NFIB: variants seen among roughly 807,000 people sequenced by gnomAD.
NFIB encodes nuclear factor 1 B-type.
In NFIB, 11 loss-of-function variants were observed where a neutral mutation model predicts 61.5. That is an observed-to-expected ratio of 0.18 (90% CI 0.11 to 0.30). The LOEUF (loss-of-function observed/expected upper bound fraction) is 0.30. Among genes scored for constraint, NFIB ranks in the 10% least tolerant of loss-of-function variants. The pLI is 1.00. For missense variants in NFIB, 471 were observed against 608.9 expected (o/e 0.77, Z 2.38); for synonymous variants, 260 against 216.5 (o/e 1.20, Z -1.76).
intron 2 of NFIB, among the ~76,000 whole-genome samples, chr9:14,207,666 C>G (rs1463300281): frequency 6.6e-6 from 1 of 151,706 alleles, no homozygotes; most frequent in African/African-American, 2.4e-5. Context: ...CCTGAAGCTT[C>G]ACCACAGGAT....
At chr9:14,374,015 T>C (rs1172388645) in intron 1 of NFIB, among the ~76,000 whole-genome samples, 2 of 152,216 alleles carry the variant, frequency 1.3e-5, no homozygotes, top group African/African-American at 4.8e-5. Flanking sequence ...TGGAATACTG[T>C]TCTTTTTATT....
In NFIB at chr9:14,375,819, A is replaced by G. The variant is rs141426524; in HGVS notation, c.108+22705T>C. 1.5e-3 allele frequency among the ~76,000 whole-genome samples: 221 copies of G among 152,304 alleles called. 3 individuals carry two copies. Among genetic ancestry groups the G allele is most frequent in the Non-Finnish European group, 2.3e-3 (154 of 68,012 alleles). ...AAGTCAGAGTTCTGTTACTAGTAAT[A>G]ACAGAAGAGCAAGTATGGGATGGGA... On this transcript the variant is annotated intron_variant, in intron 1 of 8. Coordinates refer to the NFIB transcript ENST00000380934.
At chr9:14,100,010 T>C (rs2035485735) in intron 10 of NFIB, among the ~76,000 whole-genome samples, 1 of 151,940 alleles carries the variant, frequency 6.6e-6, no homozygotes, top group East Asian at 1.9e-4. Context: ...GAAGCGGAGG[T>C]TGCAGTGAGA....
rs138623129 is a variant in NFIB, at chr9:14,220,842, TAC to T, written c.563-41064_563-41063del. Among the ~76,000 whole-genome samples, 619 of 123,048 alleles carry T rather than the reference TAC, an allele frequency of 5.0e-3. 5 individuals carry two copies. The highest frequency in any genetic ancestry group is 0.018 in the South Asian group (64 of 3,512). 80.7% of individuals were successfully genotyped at this position (123,048 alleles called of 152,430 possible). A position where few individuals can be genotyped will look rare whatever the true frequency, so the allele number is the denominator to read the frequency against. Reference sequence around the variant, plus strand: ...CTATATCCAGTGAAATCAATCTCCCTACACACACACACACACACACACACACA... The same window carrying T: ...CTATATCCAGTGAAATCAATCTCCCTACACACACACACACACACACACACA... On this transcript the variant is annotated intron_variant, in intron 2 of 10. Coordinates refer to ENST00000380953, the MANE Select transcript of NFIB (RefSeq NM_001190737.2).
the NFIB span, among the ~76,000 whole-genome samples, chr9:14,410,733 G>A: frequency 6.6e-6 from 1 of 152,098 alleles, no homozygotes; most frequent in South Asian, 2.1e-4. Context: ...GTTTTGACAC[G>A]AAACAACTCC....
At chr9:14,185,979 T>C (rs945311651) in intron 2 of NFIB, among the ~76,000 whole-genome samples, 3 of 152,196 alleles carry the variant, frequency 2.0e-5, no homozygotes, top group African/African-American at 7.2e-5. Context: ...GGCAAGAAAG[T>C]TTTAATGACC....
the NFIB span, among the ~76,000 whole-genome samples, chr9:14,424,718 G>A: frequency 6.6e-6 from 1 of 152,310 alleles, no homozygotes. Context: ...CCGAGGGCGG[G>A]TTCTTGACAT....
chr9:14,205,298 AGGGGAATGAAAACGTG>A (rs2131669286), intron 2 of NFIB, among the ~76,000 whole-genome samples: 1 of 128,194 alleles, frequency 7.8e-6, no homozygotes, highest in Non-Finnish European at 1.7e-5. Context: ...GAAGAAAGGA[AGGGGAATGAAAACGTG>A]GGAGGGAGGA....
the NFIB span, among the ~76,000 whole-genome samples, chr9:14,503,168 C>A: frequency 6.7e-6 from 1 of 148,986 alleles, no homozygotes; most frequent in African/African-American, 2.5e-5. Flanking sequence ...ATATATATAT[C>A]ATTTTCTTTA....
chr9:14,142,646 G>A (rs72698752), intron 6 of NFIB, among the ~76,000 whole-genome samples: 8,417 of 150,370 alleles, frequency 0.056, 332 homozygotes, highest in Non-Finnish European at 0.085. Context: ...GACTCAGATG[G>A]AAAAAAAAAT....
the NFIB span, among the ~76,000 whole-genome samples, chr9:14,482,719 A>G: frequency 6.6e-6 from 1 of 152,210 alleles, no homozygotes; most frequent in Non-Finnish European, 1.5e-5. Context: ...CAACAGCCTC[A>G]TTTAATGTTA....
intron 2 of NFIB, among the ~76,000 whole-genome samples, chr9:14,212,672 C>T (rs1016091247): frequency 1.3e-5 from 2 of 150,066 alleles, no homozygotes; most frequent in East Asian, 1.9e-4. Context: ...TCTACACTTA[C>T]AATATTTCAC....
chr9:14,485,439 T>C, the NFIB span, among the ~76,000 whole-genome samples: 9 of 152,354 alleles, frequency 5.9e-5, no homozygotes, highest in South Asian at 2.1e-4. Context: ...AGAAGGTGTA[T>C]CAGTCTTCAC....
At chr9:14,275,360 T>C (rs972737790) in intron 2 of NFIB, among the ~76,000 whole-genome samples, 4 of 152,318 alleles carry the variant, frequency 2.6e-5, no homozygotes, top group African/African-American at 7.2e-5. Flanking sequence ...CACACTTGAA[T>C]TCATATCAGT....
chr9:14,248,557 C>T (rs1489853795), intron 2 of NFIB, among the ~76,000 whole-genome samples: 1 of 152,162 alleles, frequency 6.6e-6, no homozygotes, highest in African/African-American at 2.4e-5. Context: ...AGGCATGAGC[C>T]ACCACGCCCG....
intron 4 of NFIB, among the ~76,000 whole-genome samples, chr9:14,153,855 A>G (rs1242090581): frequency 6.6e-6 from 1 of 152,296 alleles, no homozygotes; most frequent in South Asian, 2.1e-4. Flanking sequence ...TATGATGCGG[A>G]TATATTAAAA....
intron 2 of NFIB, among the ~76,000 whole-genome samples, chr9:14,238,345 C>A (rs374277823): frequency 6.6e-6 from 1 of 152,028 alleles, no homozygotes; most frequent in Non-Finnish European, 1.5e-5. Flanking sequence ...AAAGTAGGGG[C>A]TACAAATATA....
At chr9:14,224,584 G>T (rs1309765559) in intron 2 of NFIB, among the ~76,000 whole-genome samples, 1 of 152,202 alleles carries the variant, frequency 6.6e-6, no homozygotes, top group African/African-American at 2.4e-5. Context: ...GTACTATGCT[G>T]AATCCACTCA....
chr9:14,181,285 G>C (rs986926452), intron 2 of NFIB, among the ~76,000 whole-genome samples: 4 of 152,052 alleles, frequency 2.6e-5, no homozygotes, highest in Non-Finnish European at 5.9e-5. Context: ...ATGAGATCTT[G>C]GCAGGCATAT....
Sources: gnomAD v4.1 joint callset for allele counts (sites outside exome capture counted in the v4.1 genomes callset) on GRCh38, gnomAD v4.1.1 for gene constraint, MANE v1.5 for transcripts, NCBI Gene and HGNC (gene_info 2026-07-23, HGNC 2026-07-21) for gene names.